The following FAM184A variants were observed in gnomAD, a reference collection of about 807,000 sequenced individuals.
FAM184A encodes the protein protein FAM184A.
Under a neutral mutation model 143.8 loss-of-function variants are expected in FAM184A, and 99 were observed. That is an observed-to-expected ratio of 0.69 (90% confidence interval 0.58 to 0.81). The LOEUF (loss-of-function observed/expected upper bound fraction) is 0.81. Among genes scored for constraint, FAM184A ranks in the 40% least tolerant of loss-of-function variants. The probability of loss-of-function intolerance (pLI) is 0.00; values close to 1 mark genes in which losing one functional copy is unlikely to be tolerated. For synonymous variants in FAM184A, 427 were observed against 446.4 expected (o/e 0.96, Z 0.55); for missense variants, 1,217 against 1,310.5 (o/e 0.93, Z 1.10).
chr6:119,060,755 G>A (rs769591665), intron 1 of FAM184A, among the ~76,000 whole-genome samples: 13 of 152,006 alleles, frequency 8.6e-5, no homozygotes, highest in East Asian at 5.8e-4. Flanking sequence ...CAGGAGCTCC[G>A]GTTGTTTAAA....
chr6:119,146,200 ATAAAT>A (rs1772420107), intron 1 of FAM184A, among the ~76,000 whole-genome samples: 1 of 152,174 alleles, frequency 6.6e-6, no homozygotes, highest in Non-Finnish European at 1.5e-5. Context: ...AAATAAATAA[ATAAAT>A]TTAAAGGAAA....
chr6:119,137,312 G>A (rs1165179046), intron 1 of FAM184A, among the ~76,000 whole-genome samples: 1 of 125,620 alleles, frequency 8.0e-6, no homozygotes, highest in Non-Finnish European at 1.9e-5. Flanking sequence ...ACGCCAGATA[G>A]AGAGAGACAG....
At chr6:119,034,019 A>AAATAT (rs1562482530) in intron 1 of FAM184A, among the ~76,000 whole-genome samples, 3 of 63,526 alleles carry the variant, frequency 4.7e-5, no homozygotes, top group African/African-American at 6.5e-5. Context: ...AAAAAAAAAA[A>AAATAT]ATATATATAT....
intron 1 of FAM184A, among the ~76,000 whole-genome samples, chr6:119,141,537 C>G (rs183509442): frequency 6.6e-6 from 1 of 152,058 alleles, no homozygotes; most frequent in Non-Finnish European, 1.5e-5. Flanking sequence ...CAGGCAGTGG[C>G]GCGATCTTGG....
At chr6:119,107,693 G>T (rs1339131518) in intron 1 of FAM184A, among the ~76,000 whole-genome samples, 1 of 151,470 alleles carries the variant, frequency 6.6e-6, no homozygotes, top group African/African-American at 2.4e-5. Context: ...CAGGAGAATT[G>T]CTTGAACCTG....
intron 1 of FAM184A, among the ~76,000 whole-genome samples, chr6:119,097,071 A>G (rs1424861749): frequency 6.6e-6 from 1 of 152,194 alleles, no homozygotes; most frequent in Non-Finnish European, 1.5e-5. Flanking sequence ...ATAAGAGTCC[A>G]GATTTAGAAA....
chr6:118,994,325 G>A (rs1185163448), intron 9 of FAM184A, among the ~76,000 whole-genome samples: 2 of 137,118 alleles, frequency 1.5e-5, no homozygotes, highest in Non-Finnish European at 3.2e-5. Flanking sequence ...TCAATACCTC[G>A]AGTTAAAATA....
chr6:119,031,212 G>A (rs1216034535), intron 1 of FAM184A, among the ~76,000 whole-genome samples: 2 of 152,118 alleles, frequency 1.3e-5, no homozygotes, highest in East Asian at 1.9e-4. Flanking sequence ...ATTTATGCCT[G>A]CTCTGGACCA....
chr6:118,973,922 G>GT (rs1011416879), intron 14 of FAM184A, among the ~76,000 whole-genome samples: 3 of 152,064 alleles, frequency 2.0e-5, no homozygotes, highest in African/African-American at 4.8e-5. Flanking sequence ...TAAACAATAT[G>GT]TAAGTGGAGT....
intron 1 of FAM184A, among the ~76,000 whole-genome samples, chr6:119,073,090 A>G (rs1246581153): frequency 6.6e-6 from 1 of 152,244 alleles, no homozygotes; most frequent in Non-Finnish European, 1.5e-5. Flanking sequence ...ATATTTATAA[A>G]CACAATAAAC....
upstream of FAM184A, among the ~76,000 whole-genome samples, chr6:119,080,099 C>G (rs1402451785): frequency 6.6e-6 from 1 of 152,190 alleles, no homozygotes; most frequent in African/African-American, 2.4e-5. Flanking sequence ...ATGTTCTTTA[C>G]GTTCTAAGCA....
At chr6:119,005,075 A>G (rs1379933188) in intron 7 of FAM184A, among the ~76,000 whole-genome samples, 1 of 152,162 alleles carries the variant, frequency 6.6e-6, no homozygotes, top group African/African-American at 2.4e-5. Flanking sequence ...TTTGTTGACA[A>G]TGGAAAAAAC....
At chr6:119,036,125 C>T (rs1562483573) in intron 1 of FAM184A, among the ~76,000 whole-genome samples, 1 of 151,942 alleles carries the variant, frequency 6.6e-6, no homozygotes, top group Non-Finnish European at 1.5e-5. Flanking sequence ...ATCTGGAGTT[C>T]AACGTGAATA....
At chr6:118,997,937 T>C (rs1362324981) in intron 9 of FAM184A, among the ~76,000 whole-genome samples, 4 of 152,194 alleles carry the variant, frequency 2.6e-5, no homozygotes, top group Admixed American at 1.3e-4. Context: ...ACAACAAACC[T>C]TACTGAAACT....
intron 14 of FAM184A, among the ~76,000 whole-genome samples, chr6:118,972,665 A>G (rs536599033): frequency 1.3e-5 from 2 of 152,358 alleles, no homozygotes; most frequent in East Asian, 3.9e-4. Flanking sequence ...ATAATGTGCA[A>G]AACCATATGC....
intron 1 of FAM184A, among the ~76,000 whole-genome samples, chr6:119,141,373 G>A (rs185976250): frequency 8.2e-4 from 125 of 152,358 alleles, no homozygotes; most frequent in African/African-American, 2.9e-3. Flanking sequence ...CTCGACAGTC[G>A]AGTGCAGCGT....
At chr6:119,049,395 C>A (rs1786661256) in intron 1 of FAM184A, among the ~76,000 whole-genome samples, 1 of 152,202 alleles carries the variant, frequency 6.6e-6, no homozygotes, top group South Asian at 2.1e-4. Flanking sequence ...TTGCAGTGAG[C>A]CAAGATGGTG....
chr6:119,129,073 T>C (rs2114872833), intron 1 of FAM184A, among the ~76,000 whole-genome samples: 1 of 152,300 alleles, frequency 6.6e-6, no homozygotes, highest in Non-Finnish European at 1.5e-5. Flanking sequence ...TTCAACCAAT[T>C]GCCAATCAGG....
chr6:119,107,064 A>G (rs542535651), intron 1 of FAM184A, among the ~76,000 whole-genome samples: 2 of 152,274 alleles, frequency 1.3e-5, no homozygotes, highest in East Asian at 3.9e-4. Flanking sequence ...GGATAAATCT[A>G]TTATCCTGAA....
Sources: allele counts gnomAD v4.1 joint callset (sites outside exome capture counted in the v4.1 genomes callset), GRCh38; gene constraint gnomAD v4.1.1; transcripts MANE v1.5; gene names NCBI Gene and HGNC (gene_info 2026-07-23, HGNC 2026-07-21).